The following NPR3 variants were observed in gnomAD, a reference collection of about 807,000 sequenced individuals.
NPR3 encodes atrial natriuretic peptide receptor 3.
A neutral mutation model predicts 54.5 loss-of-function variants in NPR3; 34 were observed. The ratio of observed to expected loss-of-function variants is 0.62; its 90% confidence interval spans 0.47 to 0.83. The LOEUF (loss-of-function observed/expected upper bound fraction) is 0.83. Ranked by LOEUF, NPR3 falls within the 40% of genes least tolerant of loss-of-function variation. The probability of loss-of-function intolerance (pLI) is 0.00; values close to 1 mark genes in which losing one functional copy is unlikely to be tolerated. For synonymous variants in NPR3, 289 were observed against 297.1 expected (o/e 0.97, Z 0.28); for missense variants, 674 against 720.8 (o/e 0.94, Z 0.74).
upstream of NPR3, chr5:32,710,540 T>C: frequency 1.7e-6 from 2 of 1,171,662 alleles, no homozygotes; most frequent in Non-Finnish European, 1.1e-6. Context: ...TGGGACACTG[T>C]GACCTCGGCA....
chr5:32,780,928 A>G (rs954133195), intron 5 of NPR3, 112 bp downstream of exon 5: 4 of 624,872 alleles, frequency 6.4e-6, no homozygotes, highest in Non-Finnish European at 1.2e-5. Flanking sequence ...CCAAATAAAA[A>G]TGAGTTGAAA....
upstream of NPR3, chr5:32,709,976 AAC>A (rs1738128216): frequency 6.6e-6 from 1 of 152,250 alleles, no homozygotes; most frequent in Non-Finnish European, 1.5e-5. Flanking sequence ...AGACCATTTT[AAC>A]ACATTTTCAA....
At chr5:32,731,534 G>A (rs74521533) in intron 2 of NPR3, among the ~76,000 whole-genome samples, 3,741 of 152,208 alleles carry the variant, frequency 0.025, 55 homozygotes, top group Middle Eastern at 0.058. Context: ...ATGAGGTGAC[G>A]TATATAAAAT....
At chr5:32,722,524 C>T (rs1285733581) in intron 1 of NPR3, among the ~76,000 whole-genome samples, 1 of 152,218 alleles carries the variant, frequency 6.6e-6, no homozygotes, top group African/African-American at 2.4e-5. Context: ...TGACTCTACT[C>T]TCTATATGTT....
intron 2 of NPR3, among the ~76,000 whole-genome samples, chr5:32,729,190 C>A (rs991138062): frequency 6.6e-6 from 1 of 151,394 alleles, no homozygotes; most frequent in Non-Finnish European, 1.5e-5. Flanking sequence ...CCACTACGCC[C>A]GGCTAATTTT....
chr5:32,716,615 C>A (rs1000151360), intron 1 of NPR3: 2 of 288,948 alleles, frequency 6.9e-6, no homozygotes, highest in Admixed American at 4.6e-5. Flanking sequence ...CATAGCTAGA[C>A]CCCATCTCTT....
At chr5:32,765,469 G>A (rs912081508) in intron 3 of NPR3, among the ~76,000 whole-genome samples, 1 of 152,214 alleles carries the variant, frequency 6.6e-6, no homozygotes, top group Non-Finnish European at 1.5e-5. Flanking sequence ...GGGCAGGCAC[G>A]ATGACAGTGG....
rs1485487752 is a variant in NPR3, at chr5:32,786,614, T to C, written c.*269T>C. On this transcript the variant is annotated 3_prime_UTR_variant, in exon 8 of 8. Coordinates refer to ENST00000265074, the MANE Select transcript of NPR3 (RefSeq NM_001204375.2). ...ACTGTTTCAAGCCCATATGATTAGA[T>C]TTATGTTTTTAAAATCTGTTGTCTC... The C allele has an allele frequency of 5.5e-6, 2 of 360,476 alleles. No individual in the cohort carries two copies. Among genetic ancestry groups the C allele is most frequent in the Middle Eastern group, 7.3e-4 (1 of 1,368 alleles). The allele number at this position is 360,476 out of a possible 1,614,324, so 22.3% of individuals were successfully genotyped here.
chr5:32,783,069 C>G (rs1215294376), intron 6 of NPR3, 41 bp downstream of exon 6: 1 of 1,561,594 alleles, frequency 6.4e-7, no homozygotes, highest in East Asian at 2.3e-5. Context: ...GTCATCACCT[C>G]TAACCTCAGT....
At chr5:32,767,034 C>T (rs1214174475) in intron 3 of NPR3, among the ~76,000 whole-genome samples, 2 of 152,212 alleles carry the variant, frequency 1.3e-5, no homozygotes, top group South Asian at 2.1e-4. Context: ...CCTCCCTCAC[C>T]CTGATGATGG....
chr5:32,756,867 T>C (rs1579664007), intron 3 of NPR3, among the ~76,000 whole-genome samples: 1 of 152,224 alleles, frequency 6.6e-6, no homozygotes, highest in African/African-American at 2.4e-5. Context: ...GGGAATCCTT[T>C]CCCCATTTCT....
intron 3 of NPR3, among the ~76,000 whole-genome samples, chr5:32,754,325 T>C (rs1169680418): frequency 6.6e-6 from 1 of 151,864 alleles, no homozygotes; most frequent in Non-Finnish European, 1.5e-5. Context: ...CTCTTGGAAG[T>C]TATGAAAAAT....
At chr5:32,771,882 C>T (rs1016487800) in intron 3 of NPR3, among the ~76,000 whole-genome samples, 5 of 152,032 alleles carry the variant, frequency 3.3e-5, no homozygotes, top group Admixed American at 3.3e-4. Context: ...TAGGCCATGA[C>T]TCTGTGATTC....
chr5:32,706,949 T>G (rs1738009560), upstream of NPR3, among the ~76,000 whole-genome samples: 1 of 152,246 alleles, frequency 6.6e-6, no homozygotes, highest in African/African-American at 2.4e-5. Flanking sequence ...TTTTTATCTT[T>G]TAATTCCATT....
At chr5:32,762,837 TA>T (rs1390946629) in intron 3 of NPR3, among the ~76,000 whole-genome samples, 10 of 152,342 alleles carry the variant, frequency 6.6e-5, no homozygotes, top group South Asian at 2.1e-4. Flanking sequence ...TCAGTTTGAT[TA>T]GATCCGATTT....
At chr5:32,728,833 G>GTATATATATA (rs1299474754) in intron 2 of NPR3, among the ~76,000 whole-genome samples, 3 of 64,056 alleles carry the variant, frequency 4.7e-5, no homozygotes, top group East Asian at 5.8e-4. Context: ...GTGTGTGTGT[G>GTATATATATA]TGTGTATATA....
At chr5:32,713,440 G>C (rs1436301181) in intron 1 of NPR3, 1 of 985,330 alleles carries the variant, frequency 1.0e-6, no homozygotes, top group African/African-American at 1.7e-5. Flanking sequence ...TTTACGGTAG[G>C]GTAGAATCTG....
intron 7 of NPR3, among the ~76,000 whole-genome samples, 164 bp from the exon 8 acceptor site, chr5:32,786,070 A>G (rs575539635): frequency 2.6e-4 from 40 of 152,370 alleles, no homozygotes; most frequent in South Asian, 1.2e-3. Flanking sequence ...TAAGGGCACC[A>G]TGCCTGGGGG....
chr5:32,712,826 G>A (rs1309372841), intron 1 of NPR3, among the ~76,000 whole-genome samples: 2 of 152,212 alleles, frequency 1.3e-5, no homozygotes. Flanking sequence ...ACACTTCGAT[G>A]TTTTTTCTTC....
Sources: allele counts gnomAD v4.1 joint callset (sites outside exome capture counted in the v4.1 genomes callset), GRCh38; gene constraint gnomAD v4.1.1; transcripts MANE v1.5; gene names NCBI Gene and HGNC (gene_info 2026-07-23, HGNC 2026-07-21).